The following AJAP1 variants were observed in gnomAD, a reference collection of about 807,000 sequenced individuals.
AJAP1 encodes adherens junction-associated protein 1.
Under a neutral mutation model 35.0 loss-of-function variants are expected in AJAP1, and 5 were observed. That is an observed-to-expected ratio of 0.14 (90% CI 0.07 to 0.30). AJAP1 has a LOEUF of 0.30. Among genes scored for constraint, AJAP1 ranks in the 10% least tolerant of loss-of-function variants. The pLI, the probability that AJAP1 is intolerant of heterozygous loss-of-function variation, is 1.00. For synonymous variants in AJAP1, 284 were observed against 249.3 expected (o/e 1.14, Z -1.31); for missense variants, 586 against 571.0 (o/e 1.03, Z -0.27).
intron 2 of AJAP1, among the ~76,000 whole-genome samples, chr1:4,743,158 G>A (rs547419753): frequency 1.2e-4 from 18 of 152,186 alleles, no homozygotes; most frequent in Admixed American, 2.6e-4. Context: ...ACCCTCAAAG[G>A]CTCTTGTTGA....
At chr1:4,686,435 G>A (rs1230769549) in intron 1 of AJAP1, among the ~76,000 whole-genome samples, 1 of 152,090 alleles carries the variant, frequency 6.6e-6, no homozygotes, top group Non-Finnish European at 1.5e-5. Flanking sequence ...CTGAGTGCGT[G>A]GGTAAGTCCA....
At chr1:4,708,568 C>T (rs1431882209) in intron 1 of AJAP1, among the ~76,000 whole-genome samples, 3 of 152,234 alleles carry the variant, frequency 2.0e-5, no homozygotes, top group African/African-American at 7.2e-5. Flanking sequence ...TCTGCCTCAT[C>T]TCAGAGCCGC....
At chr1:4,776,820 T>C (rs1236635788) in intron 5 of AJAP1, among the ~76,000 whole-genome samples, 1 of 152,068 alleles carries the variant, frequency 6.6e-6, no homozygotes, top group African/African-American at 2.4e-5. Flanking sequence ...CAAGGAAACA[T>C]CTCTGTGTCT....
intron 1 of AJAP1, among the ~76,000 whole-genome samples, chr1:4,674,045 A>AG (rs1332617450): frequency 6.9e-6 from 1 of 144,158 alleles, no homozygotes; most frequent in Admixed American, 6.8e-5. Context: ...CCGCCACCAA[A>AG]AAAAAAAAAA....
intron 1 of AJAP1, among the ~76,000 whole-genome samples, chr1:4,704,808 T>C (rs1440805175): frequency 6.6e-6 from 1 of 152,192 alleles, no homozygotes; most frequent in Non-Finnish European, 1.5e-5. Context: ...CCACATCCTC[T>C]CCAGCACCTG....
intron 2 of AJAP1, among the ~76,000 whole-genome samples, chr1:4,747,610 C>T (rs546527764): frequency 2.0e-5 from 3 of 152,326 alleles, no homozygotes; most frequent in East Asian, 3.9e-4. Flanking sequence ...AGAGCAACTG[C>T]GTGCCATCCA....
rs910239691 is a variant in AJAP1, at chr1:4,783,115, T to C, written c.*630T>C. 3 of 328,294 alleles carry C rather than the reference T, an allele frequency of 9.1e-6. No homozygotes were observed. Among genetic ancestry groups the C allele is most frequent in the South Asian group, 1.5e-4 (1 of 6,452 alleles). 20.3% of individuals were successfully genotyped at this position (328,294 alleles called of 1,614,324 possible). ...TTCCTTTTTAAAAAAAAGAATTGTG[T>C]TATAGGTTACAAAATCTGATTTATT... On this transcript the variant is annotated 3_prime_UTR_variant, in exon 6 of 6. Transcript: ENST00000378191.
chr1:4,780,354 A>G (rs150387766), intron 5 of AJAP1, among the ~76,000 whole-genome samples: 1 of 151,498 alleles, frequency 6.6e-6, no homozygotes, highest in Non-Finnish European at 1.5e-5. Flanking sequence ...TGGATTTGGT[A>G]GCTCTGGTAC....
At chr1:4,682,378 C>T (rs560484786) in intron 1 of AJAP1, among the ~76,000 whole-genome samples, 1 of 152,318 alleles carries the variant, frequency 6.6e-6, no homozygotes, top group East Asian at 1.9e-4. Flanking sequence ...CTCCCCACAA[C>T]CATGCTTGGG....
Position 4,711,910 on chromosome 1 carries a change from A to G in AJAP1, c.40A>G (p.Ile14Val). The G allele has an allele frequency of 6.6e-7, 1 of 1,505,022 alleles. No homozygotes were observed. Among genetic ancestry groups the G allele is most frequent in the Non-Finnish European group, 8.8e-7 (1 of 1,131,216 alleles). The allele number at this position is 1,505,022 out of a possible 1,614,324, so 93.2% of individuals were successfully genotyped here. ...TTCCCCCCCGCACAGCTCCATGTCC[A>G]TCCGCTGGCCGGGCCGCCCCCTCGG... Reference protein sequence around the residue: ...QQLLGLSSMSIRWPGRPLGSH... With the variant: ...QQLLGLSSMSVRWPGRPLGSH... Residue 14 changes from isoleucine (I) to valine (V), a missense_variant, in exon 2 of 6, where the codon ATC becomes GTC. Coordinates refer to ENST00000378191, the MANE Select transcript of AJAP1 (RefSeq NM_018836.4).
At position 4,656,817 on chromosome 1, in the gene AJAP1, C is replaced by T. The variant is rs549155347; in HGVS notation, c.29+1363C>T. ...TGTTGGGTGTGGGATATTGGTCGGG[C>T]GTGAATCGATAAGTGTGCTTGGGCT... On this transcript the variant is annotated intron_variant, in intron 1 of 5. Coordinates refer to ENST00000378191, the MANE Select transcript of AJAP1 (RefSeq NM_018836.4). This position sits in a 1 kb window ranked among gnomAD's most constrained non-coding sequence, Gnocchi z 5.7. Among the ~76,000 whole-genome samples, 1 of 152,132 alleles carries T rather than the reference C, an allele frequency of 6.6e-6. No individual in the cohort carries two copies. Among genetic ancestry groups the T allele is most frequent in the East Asian group, 1.9e-4 (1 of 5,174 alleles).
At chr1:4,729,236 C>T (rs1006230431) in intron 2 of AJAP1, among the ~76,000 whole-genome samples, 3 of 152,152 alleles carry the variant, frequency 2.0e-5, no homozygotes, top group Admixed American at 6.5e-5. Context: ...CTCCCTTTCT[C>T]GTGAGAAGGG....
chr1:4,756,059 AAGG>A (rs1034016395), intron 2 of AJAP1, among the ~76,000 whole-genome samples: 17 of 152,228 alleles, frequency 1.1e-4, no homozygotes, highest in African/African-American at 4.1e-4. Flanking sequence ...GCATATGCAT[AAGG>A]AAGTGCCCAG....
At position 4,774,462 on chromosome 1, in the gene AJAP1, C is replaced by A. The variant is rs773615241; in HGVS notation, c.1199C>A (p.Ala400Asp). ...TCTGATCGGCATCTTATTCCTGTGG[C>A]CTTCGTGTCTGAGAAATGGTTTGAA... is the stretch of plus-strand genomic sequence containing the variant. ...SSSDRHLIPV[A>D]FVSEKWFEIS... is the part of the protein sequence containing the mutation. The change falls in exon 5 of 6, where the codon GCC becomes GAC. Residue 400 changes from alanine (A) to aspartate (D), a missense_variant. By Grantham distance (126) the Ala-to-Asp change is moderately radical. Coordinates refer to ENST00000378191, the MANE Select transcript of AJAP1 (RefSeq NM_018836.4). The A allele has an allele frequency of 6.8e-6, 11 of 1,614,230 alleles. No individual in the cohort carries two copies. The highest frequency in any genetic ancestry group is 2.7e-5 in the African/African-American group (2 of 75,070).
intron 2 of AJAP1, among the ~76,000 whole-genome samples, chr1:4,758,484 G>A (rs1007117031): frequency 3.3e-5 from 5 of 152,298 alleles, no homozygotes; most frequent in Middle Eastern, 6.8e-3. Context: ...TCTTCACAAG[G>A]TGGCAGGAAG....
intron 1 of AJAP1, among the ~76,000 whole-genome samples, chr1:4,695,025 G>A (rs374025088): frequency 6.6e-6 from 1 of 152,020 alleles, no homozygotes; most frequent in African/African-American, 2.4e-5. Context: ...CGGACCCAAG[G>A]CTCTACACTG....
chr1:4,664,959 C>A (rs940305559), intron 1 of AJAP1, among the ~76,000 whole-genome samples: 16 of 152,144 alleles, frequency 1.1e-4, no homozygotes, highest in African/African-American at 3.4e-4. Flanking sequence ...TAGCAAGGAA[C>A]CTATCTGAAC....
rs960101374 is a variant in AJAP1 at position 4,791,714 on chromosome 1, C to T, written c.*9229C>T. On this transcript the variant is annotated 3_prime_UTR_variant, in exon 6 of 6. Transcript: ENST00000378191. ...GCATTGGTATGGAATAAACAGGATA[C>T]TCAGTGAAACATCCAAACTATTGAC... is the stretch of plus-strand genomic sequence containing the variant. 1.4e-4 allele frequency: 21 copies of T among 152,362 alleles called. No homozygotes were observed. The highest frequency in any genetic ancestry group is 4.8e-4 in the African/African-American group (20 of 41,582). 9.4% of individuals were successfully genotyped at this position (152,362 alleles called of 1,614,324 possible). A position where few individuals can be genotyped will look rare whatever the true frequency, so the allele number is the denominator to read the frequency against.
rs1193774320 is a variant in AJAP1, at chr1:4,692,978, T to C, written c.30-18922T>C. ...ATTAGGTGGCTATCAAATAATTGTATAAAAATAAGCAGTTAATATTTCTAT... is the reference window on the plus strand; with the variant it reads ...ATTAGGTGGCTATCAAATAATTGTACAAAAATAAGCAGTTAATATTTCTAT... On this transcript the variant is annotated intron_variant, in intron 1 of 5. Coordinates refer to ENST00000378191, the MANE Select transcript of AJAP1 (RefSeq NM_018836.4). The surrounding 1 kb of genome is among the most constrained non-coding windows in gnomAD (Gnocchi z 4.4). Among the ~76,000 whole-genome samples, 3 of 152,208 alleles carry C rather than the reference T, an allele frequency of 2.0e-5. No individual in the cohort carries two copies. Among genetic ancestry groups the C allele is most frequent in the African/African-American group, 7.2e-5 (3 of 41,452 alleles).
Sources: gnomAD v4.1 joint callset for allele counts (sites outside exome capture counted in the v4.1 genomes callset) on GRCh38, gnomAD v4.1.1 for gene constraint, Gnocchi (gnomAD v3.1) non-coding constraint, MANE v1.5 for transcripts, NCBI Gene and HGNC (gene_info 2026-07-23, HGNC 2026-07-21) for gene names.